Variants in LRRTM4 observed in about 807,000 individuals in gnomAD.
LRRTM4 encodes the protein leucine-rich repeat transmembrane neuronal protein 4.
A neutral mutation model predicts 47.6 loss-of-function variants in LRRTM4; 25 were observed. The ratio of observed to expected loss-of-function variants is 0.53; its 90% CI spans 0.38 to 0.73. The LOEUF (loss-of-function observed/expected upper bound fraction) is 0.73. Among genes scored for constraint, LRRTM4 ranks in the 30% least tolerant of loss-of-function variants. LRRTM4 has a pLI of 0.00. For missense variants in LRRTM4, 638 were observed against 713.4 expected, an observed-to-expected ratio of 0.89 and a Z score of 1.20; for synonymous variants, 311 against 269.5, an observed-to-expected ratio of 1.15 and a Z score of -1.51.
chr2:76,943,235 TG>T (rs2103866985), intron 3 of LRRTM4, among the ~76,000 whole-genome samples: 1 of 152,164 alleles, frequency 6.6e-6, no homozygotes, highest in Admixed American at 6.5e-5. Flanking sequence ...AAAAGCTGCC[TG>T]GATGACTGGC....
At chr2:76,970,841 G>A (rs776455459) in intron 3 of LRRTM4, among the ~76,000 whole-genome samples, 11 of 152,130 alleles carry the variant, frequency 7.2e-5, no homozygotes, top group South Asian at 2.1e-4. Context: ...GGTTGGAGAA[G>A]TTGAATTACA....
chr2:77,140,291 A>G (rs1672084174), intron 3 of LRRTM4, among the ~76,000 whole-genome samples: 1 of 152,206 alleles, frequency 6.6e-6, no homozygotes, highest in African/African-American at 2.4e-5. Flanking sequence ...AGACCAGTGG[A>G]ACAGAACAGA....
At position 77,432,760 on chromosome 2, in the gene LRRTM4, A is replaced by G. The variant is rs1270293270; in HGVS notation, c.1551+85558T>C. 3.3e-5 allele frequency among the ~76,000 whole-genome samples: 5 copies of G among 152,334 alleles called. No homozygotes were observed. In the East Asian group the frequency reaches 9.6e-4, roughly 29 times the overall value. On this transcript the variant is annotated intron_variant, in intron 3 of 3. Transcript: ENST00000409884. The stretch of plus-strand genomic sequence containing the variant: ...AGATATAGGCATACACAAACACCCA[A>G]ACTCATGTATACCCCAAGAAAGCTT...
chr2:76,874,702 ATCACTG>A (rs1672730143), intron 3 of LRRTM4, among the ~76,000 whole-genome samples: 2 of 151,904 alleles, frequency 1.3e-5, no homozygotes, highest in Admixed American at 1.3e-4. Context: ...CACAATCCTA[ATCACTG>A]TTTTTCATGA....
At chr2:76,888,059 G>T (rs376986192) in intron 3 of LRRTM4, among the ~76,000 whole-genome samples, 1 of 149,688 alleles carries the variant, frequency 6.7e-6, no homozygotes, top group Non-Finnish European at 1.5e-5. Flanking sequence ...ATATATGTGT[G>T]TTTGTATATA....
chr2:77,137,686 GAA>G (rs1420261512), intron 3 of LRRTM4, among the ~76,000 whole-genome samples: 12 of 152,154 alleles, frequency 7.9e-5, no homozygotes, highest in African/African-American at 2.9e-4. Flanking sequence ...TGGCAAATTG[GAA>G]AAAGAGTCAA....
At chr2:76,962,311 G>T (rs1191991339) in intron 3 of LRRTM4, among the ~76,000 whole-genome samples, 2 of 151,130 alleles carry the variant, frequency 1.3e-5, no homozygotes, top group African/African-American at 4.8e-5. Flanking sequence ...ATACGTATTG[G>T]TGGATAAATG....
chr2:76,751,172 C>T (rs1281143383), intron 3 of LRRTM4, among the ~76,000 whole-genome samples: 1 of 152,156 alleles, frequency 6.6e-6, no homozygotes, highest in East Asian at 1.9e-4. Context: ...TTTACAGTGA[C>T]TGGCAATAGC....
chr2:76,791,050 G>A (rs1422710424), intron 3 of LRRTM4, among the ~76,000 whole-genome samples: 2 of 152,196 alleles, frequency 1.3e-5, no homozygotes, highest in East Asian at 3.9e-4. Flanking sequence ...TAATTTACTG[G>A]GGCTATAACA....
chr2:76,959,608 A>T (rs77015595), intron 3 of LRRTM4, among the ~76,000 whole-genome samples: 5,759 of 151,836 alleles, frequency 0.038, 247 homozygotes, highest in East Asian at 0.14. Flanking sequence ...CTAAAACAGC[A>T]AAGACTTACT....
At chr2:76,807,953 CTTTT>C (rs1180163341) in intron 3 of LRRTM4, among the ~76,000 whole-genome samples, 3 of 138,804 alleles carry the variant, frequency 2.2e-5, no homozygotes, top group East Asian at 2.4e-4. Context: ...TTCTTTCTTT[CTTTT>C]TCTTTTTCTT....
rs13410062 is a variant in LRRTM4 at position 76,823,883 on chromosome 2, A to T, written c.1552-74967T>A. 7.4e-3 allele frequency among the ~76,000 whole-genome samples: 1,128 copies of T among 151,676 alleles called. 10 individuals carry two copies. Among genetic ancestry groups the T allele is most frequent in the African/African-American group, 0.026 (1,071 of 41,510 alleles). ...TTAAAAATAAAACATAAGAACATGC[A>T]TGTATTACTTTCTATAATACATGAT... On this transcript the variant is annotated intron_variant, in intron 3 of 3. Transcript: ENST00000409884.
At chr2:76,920,722 G>T (rs564610789) in intron 3 of LRRTM4, among the ~76,000 whole-genome samples, 1 of 152,136 alleles carries the variant, frequency 6.6e-6, no homozygotes, top group African/African-American at 2.4e-5. Flanking sequence ...ATAAAACAAA[G>T]CTCCCAGAAC....
intron 3 of LRRTM4, among the ~76,000 whole-genome samples, chr2:77,299,716 C>T (rs1677076848): frequency 6.6e-6 from 1 of 152,046 alleles, no homozygotes; most frequent in African/African-American, 2.4e-5. Context: ...GGCAAGAAAT[C>T]TCAAGGAGTT....
At chr2:76,900,206 T>C (rs928364) in intron 3 of LRRTM4, among the ~76,000 whole-genome samples, 89,038 of 151,892 alleles carry the variant, frequency 0.59, 28,158 homozygotes, top group African/African-American at 0.82. Flanking sequence ...TGCACTCCAG[T>C]CTAGGTGACA....
chr2:77,359,740 C>A (rs1011211322), intron 3 of LRRTM4, among the ~76,000 whole-genome samples: 5 of 152,114 alleles, frequency 3.3e-5, no homozygotes, highest in Non-Finnish European at 7.4e-5. Flanking sequence ...CTAATTTTTT[C>A]TTTTCAACTA....
At chr2:77,182,936 A>C in intron 3 of LRRTM4, among the ~76,000 whole-genome samples, 1 of 152,234 alleles carries the variant, frequency 6.6e-6, no homozygotes, top group Non-Finnish European at 1.5e-5. Flanking sequence ...AATTAATTCA[A>C]GATGGATTAA....
At chr2:77,288,534 T>C (rs759149341) in intron 3 of LRRTM4, among the ~76,000 whole-genome samples, 9 of 152,064 alleles carry the variant, frequency 5.9e-5, no homozygotes, top group Non-Finnish European at 1.2e-4. Context: ...CTATACGTGT[T>C]GGTTTTAAGA....
intron 3 of LRRTM4, among the ~76,000 whole-genome samples, chr2:76,933,430 G>A (rs1045162696): frequency 1.3e-5 from 2 of 151,912 alleles, no homozygotes; most frequent in Admixed American, 6.6e-5. Flanking sequence ...TAGCATTGCT[G>A]TAAGGATCAA....
Sources: allele counts gnomAD v4.1 joint callset (sites outside exome capture counted in the v4.1 genomes callset), GRCh38; gene constraint gnomAD v4.1.1; transcripts MANE v1.5; gene names NCBI Gene and HGNC (gene_info 2026-07-23, HGNC 2026-07-21).